ADCY2: variants seen among roughly 807,000 people sequenced by gnomAD.
ADCY2 encodes adenylate cyclase type 2.
ADCY2 carries 31 observed loss-of-function variants against 125.2 expected under a neutral mutation model. The ratio of observed to expected loss-of-function variants is 0.25; its 90% CI spans 0.19 to 0.33. The LOEUF (loss-of-function observed/expected upper bound fraction) is 0.33. Among genes scored for constraint, ADCY2 ranks in the 10% least tolerant of loss-of-function variants. The pLI is 1.00. For synonymous variants in ADCY2, 512 were observed against 548.4 expected, an observed-to-expected ratio of 0.93 and a Z score of 0.93; for missense variants, 904 against 1,418.2, an observed-to-expected ratio of 0.64 and a Z score of 5.82.
chr5:7,756,135 C>G (rs1240111431), intron 15 of ADCY2, among the ~76,000 whole-genome samples: 1 of 152,232 alleles, frequency 6.6e-6, no homozygotes, highest in African/African-American at 2.4e-5. Context: ...CTTCTCATAT[C>G]AGATAACGTA....
chr5:7,527,595 CA>C (rs1263519670), intron 3 of ADCY2, among the ~76,000 whole-genome samples: 1 of 152,096 alleles, frequency 6.6e-6, no homozygotes, highest in African/African-American at 2.4e-5. Flanking sequence ...ATTAAAGAAG[CA>C]AAGCTAAGGA....
chr5:7,703,963 C>G (rs1377392068), intron 7 of ADCY2, among the ~76,000 whole-genome samples: 2 of 148,538 alleles, frequency 1.3e-5, no homozygotes, highest in Non-Finnish European at 2.9e-5. Flanking sequence ...GATCACACCA[C>G]TGCACTTCAG....
intron 2 of ADCY2, among the ~76,000 whole-genome samples, chr5:7,460,024 G>T (rs757414616): frequency 5.9e-5 from 9 of 151,798 alleles, no homozygotes; most frequent in African/African-American, 2.2e-4. Context: ...CTGACCTCGC[G>T]ATCCACCTGT....
intron 2 of ADCY2, among the ~76,000 whole-genome samples, chr5:7,517,685 C>A (rs892134582): frequency 1.3e-5 from 2 of 152,162 alleles, no homozygotes; most frequent in African/African-American, 2.4e-5. Flanking sequence ...GAATACTTAA[C>A]AGGGACTTCT....
intron 3 of ADCY2, among the ~76,000 whole-genome samples, chr5:7,589,698 C>T (rs577439898): frequency 1.3e-5 from 2 of 152,212 alleles, no homozygotes; most frequent in East Asian, 3.9e-4. Context: ...TCCTGTTTGT[C>T]CACCAAATTT....
rs58507866 is a variant in ADCY2, at chr5:7,673,287, A to ATATATATATATATATATATAT, written c.721-17404_721-17403insTATATATATATATATATATAT. On this transcript the variant is annotated intron_variant, in intron 4 of 24. Transcript: ENST00000338316. Reference sequence around the variant, plus strand: ...AAAAAAAAATATATATATATATATAAAATTAGCCAGGTGTTGTGGAACATG... The same window carrying ATATATATATATATATATATAT: ...AAAAAAAAATATATATATATATATAATATATATATATATATATATATAATTAGCCAGGTGTTGTGGAACATG... 1.0e-3 allele frequency among the ~76,000 whole-genome samples: 32 copies of ATATATATATATATATATATAT among 31,262 alleles called. 3 individuals are homozygous for ATATATATATATATATATATAT. Among genetic ancestry groups the ATATATATATATATATATATAT allele is most frequent in the East Asian group, 5.4e-3 (3 of 552 alleles). The allele number at this position is 31,262 out of a possible 152,430, so 20.5% of individuals were successfully genotyped here.
rs193272899 is a variant in ADCY2, at chr5:7,472,469, C to T, written c.409-48269C>T. On this transcript the variant is annotated intron_variant, in intron 2 of 24. Transcript: ENST00000338316. ...ATTAATCATAGACATTTTAAATTCC[C>T]TTTCTGATATACATATATAATATAT... 7.2e-4 allele frequency among the ~76,000 whole-genome samples: 110 copies of T among 152,038 alleles called. 1 individual carries two copies. The highest frequency in any genetic ancestry group is 2.6e-3 in the African/African-American group (109 of 41,446).
chr5:7,507,573 C>G (rs897556604), intron 2 of ADCY2, among the ~76,000 whole-genome samples: 1 of 151,142 alleles, frequency 6.6e-6, no homozygotes, highest in Non-Finnish European at 1.5e-5. Context: ...AATTATGTAA[C>G]TAGAAAAATA....
chr5:7,545,506 C>A (rs936330327), intron 3 of ADCY2, among the ~76,000 whole-genome samples: 2 of 152,188 alleles, frequency 1.3e-5, no homozygotes, highest in Non-Finnish European at 2.9e-5. Flanking sequence ...GGCCAAGGAA[C>A]AAGCACCCAT....
Position 7,683,896 on chromosome 5 carries a change from T to C in ADCY2, c.721-6795T>C, listed in dbSNP as rs182566466. On this transcript the variant is annotated intron_variant, in intron 4 of 24. Transcript: ENST00000338316. ...TTCTTATCTCCTTCTGTCAATGATA[T>C]TATCAGCATCTCCACTTTGTCCTCC... 5.9e-5 allele frequency among the ~76,000 whole-genome samples: 9 copies of C among 152,362 alleles called. No individual in the cohort carries two copies. In the East Asian group the frequency reaches 1.7e-3, roughly 29 times the overall value.
chr5:7,499,734 C>T (rs1279515656), intron 2 of ADCY2, among the ~76,000 whole-genome samples: 2 of 136,062 alleles, frequency 1.5e-5, no homozygotes, highest in Non-Finnish European at 3.1e-5. Context: ...TAAAATGTTA[C>T]CACTAAAAAA....
intron 15 of ADCY2, 26 bp from the exon 16 acceptor site, chr5:7,757,423 C>T (rs370239590): frequency 3.9e-5 from 63 of 1,608,318 alleles, no homozygotes; most frequent in Non-Finnish European, 5.2e-5. Flanking sequence ...AGCAATGCTT[C>T]TCTTTTTCTT....
At chr5:7,399,215 A>G (rs573784651) in intron 1 of ADCY2, among the ~76,000 whole-genome samples, 24 of 152,270 alleles carry the variant, frequency 1.6e-4, no homozygotes, top group Non-Finnish European at 2.1e-4. Context: ...TTTGATTTCC[A>G]TTAGACTTTC....
intron 3 of ADCY2, among the ~76,000 whole-genome samples, chr5:7,529,760 C>A (rs922277034): frequency 1.3e-5 from 2 of 152,242 alleles, no homozygotes; most frequent in Non-Finnish European, 2.9e-5. Flanking sequence ...CTTGAAAACA[C>A]CTGCCAGCCT....
At chr5:7,774,459 G>A (rs745503121) in intron 18 of ADCY2, among the ~76,000 whole-genome samples, 4 of 152,146 alleles carry the variant, frequency 2.6e-5, no homozygotes, top group Non-Finnish European at 4.4e-5. Context: ...ATTTTCACGC[G>A]CAGCTGATAA....
chr5:7,784,468 T>C lies in ADCY2; in HGVS notation c.2469+19T>C. Reference sequence around the variant, plus strand: ...TAGACAGGTAAGAAGTCTGTTTATATATATGTATGTATACCTTCTCTAAAG... The same window carrying C: ...TAGACAGGTAAGAAGTCTGTTTATACATATGTATGTATACCTTCTCTAAAG... On this transcript the variant is annotated intron_variant, in intron 19 of 24. Coordinates refer to ENST00000338316, the MANE Select transcript of ADCY2 (RefSeq NM_020546.3). The C allele has an allele frequency of 6.5e-7, 1 of 1,532,692 alleles. No individual in the cohort carries two copies. The highest frequency in any genetic ancestry group is 9.0e-7 in the Non-Finnish European group (1 of 1,106,824). 94.9% of individuals were successfully genotyped at this position (1,532,692 alleles called of 1,614,324 possible). A position where few individuals can be genotyped will look rare whatever the true frequency, so the allele number is the denominator to read the frequency against.
chr5:7,419,184 G>T (rs1400707519), intron 2 of ADCY2, among the ~76,000 whole-genome samples: 2 of 152,152 alleles, frequency 1.3e-5, no homozygotes, highest in African/African-American at 4.8e-5. Context: ...GTCTATGCAG[G>T]ACCACTCTCA....
At chr5:7,664,773 A>C (rs1190387006) in intron 4 of ADCY2, among the ~76,000 whole-genome samples, 1 of 152,118 alleles carries the variant, frequency 6.6e-6, no homozygotes, top group Non-Finnish European at 1.5e-5. Context: ...AGAGACAGGC[A>C]CCCTTTTAGG....
At chr5:7,535,113 T>A (rs1299353089) in intron 3 of ADCY2, among the ~76,000 whole-genome samples, 1 of 152,210 alleles carries the variant, frequency 6.6e-6, no homozygotes, top group East Asian at 1.9e-4. Context: ...CAATCACGGC[T>A]CACCGCAACC....
Sources: allele counts gnomAD v4.1 joint callset (sites outside exome capture counted in the v4.1 genomes callset), GRCh38; gene constraint gnomAD v4.1.1; transcripts MANE v1.5; gene names NCBI Gene and HGNC (gene_info 2026-07-23, HGNC 2026-07-21).